The following OR3A2 variants were observed in gnomAD, a reference collection of about 807,000 sequenced individuals.
OR3A2 encodes the protein olfactory receptor family 3 subfamily A member 2.
For synonymous variants in OR3A2, 126 were observed against 159.3 expected (o/e 0.79, Z 1.57); for missense variants, 318 against 392.8 (o/e 0.81, Z 1.61).
intron 1 of OR3A2, among the ~76,000 whole-genome samples, chr17:3,279,705 T>C (rs1286752902): frequency 6.6e-6 from 1 of 152,150 alleles, no homozygotes; most frequent in Non-Finnish European, 1.5e-5. Flanking sequence ...GGAGAATCGC[T>C]TGAACCCGAG....
intron 1 of OR3A2, among the ~76,000 whole-genome samples, chr17:3,280,467 T>C (rs1342689264): frequency 6.6e-6 from 1 of 151,924 alleles, no homozygotes; most frequent in Non-Finnish European, 1.5e-5. Context: ...AGAGACGGGG[T>C]TTCACCGTGT....
At chr17:3,370,312 A>T (rs1168511198) in intron 2 of OR3A2, among the ~76,000 whole-genome samples, 1 of 152,196 alleles carries the variant, frequency 6.6e-6, no homozygotes, top group East Asian at 1.9e-4. Context: ...TTGTGTGCAT[A>T]AAGGTGTTCA....
chr17:3,346,310 T>C (rs1041070703), intron 2 of OR3A2, among the ~76,000 whole-genome samples: 4 of 152,172 alleles, frequency 2.6e-5, no homozygotes, highest in African/African-American at 9.7e-5. Flanking sequence ...TATTTTGATA[T>C]AGGCAGGCAA....
intron 2 of OR3A2, among the ~76,000 whole-genome samples, chr17:3,346,532 C>T (rs2049364900): frequency 1.3e-5 from 2 of 152,168 alleles, no homozygotes; most frequent in Non-Finnish European, 2.9e-5. Context: ...GTGTCACAAA[C>T]AATCCAATTA....
At chr17:3,321,009 G>A (rs1035004336) in intron 3 of OR3A2, among the ~76,000 whole-genome samples, 2 of 152,166 alleles carry the variant, frequency 1.3e-5, no homozygotes, top group African/African-American at 4.8e-5. Context: ...TCCTACCCAT[G>A]AGCATGGAAT....
At chr17:3,309,413 C>G (rs1210277430) in intron 3 of OR3A2, among the ~76,000 whole-genome samples, 1 of 152,098 alleles carries the variant, frequency 6.6e-6, no homozygotes, top group East Asian at 1.9e-4. Context: ...ATGGGGAATT[C>G]AGGGTGTGGG....
chr17:3,324,859 T>C (rs2049157406), intron 3 of OR3A2, among the ~76,000 whole-genome samples: 1 of 152,042 alleles, frequency 6.6e-6, no homozygotes, highest in South Asian at 2.1e-4. Flanking sequence ...GCTGAGATTT[T>C]CTTCTTATGT....
chr17:3,367,601 G>GTGTATA (rs1555530074), intron 2 of OR3A2, among the ~76,000 whole-genome samples: 1,429 of 122,508 alleles, frequency 0.012, 46 homozygotes, highest in East Asian at 0.048. Context: ...GTGTGTGTGT[G>GTGTATA]TATATATATA....
At chr17:3,297,314 A>T (rs1163324950) in intron 3 of OR3A2, among the ~76,000 whole-genome samples, 1 of 152,224 alleles carries the variant, frequency 6.6e-6, no homozygotes, top group East Asian at 1.9e-4. Flanking sequence ...ATTCCCTTAC[A>T]TATTAAGTAA....
At chr17:3,352,429 T>C (rs2049428585) in intron 2 of OR3A2, among the ~76,000 whole-genome samples, 1 of 152,066 alleles carries the variant, frequency 6.6e-6, no homozygotes, top group African/African-American at 2.4e-5. Context: ...TTGATTTTTA[T>C]TTATGATGAG....
intron 2 of OR3A2, among the ~76,000 whole-genome samples, chr17:3,349,921 C>T (rs1379228632): frequency 6.6e-6 from 1 of 151,908 alleles, no homozygotes. Flanking sequence ...ACAACCTGCT[C>T]CTGAATGACT....
At chr17:3,312,769 G>T (rs1290961543) in intron 3 of OR3A2, among the ~76,000 whole-genome samples, 1 of 152,100 alleles carries the variant, frequency 6.6e-6, no homozygotes, top group African/African-American at 2.4e-5. Context: ...GATTACAGGT[G>T]CCTGCCACCA....
At chr17:3,278,163 C>T (rs553493994) in exon 2 of OR3A2, 2 of 1,614,100 alleles carry the variant, frequency 1.2e-6, no homozygotes, top group Admixed American at 1.7e-5. Context: ...AAAGAAAAGA[C>T]AAACCACGGT....
chr17:3,312,738 C>T (rs804227), intron 3 of OR3A2, among the ~76,000 whole-genome samples: 76,411 of 152,014 alleles, frequency 0.5, 20,152 homozygotes, highest in East Asian at 0.96. Context: ...GATTCCCCTG[C>T]CTTAGCCTCC....
chr17:3,352,137 T>A (rs547423462), intron 2 of OR3A2, among the ~76,000 whole-genome samples: 63 of 152,158 alleles, frequency 4.1e-4, no homozygotes, highest in African/African-American at 1.5e-3. Context: ...GAGCTCCTCA[T>A]ATATTCTGGT....
rs1329513858 is a variant in OR3A2, at chr17:3,371,828, CCT to C, written c.-179+11974_-179+11975del. ...GGCGGCTGGCCGGGCGGGGGGCTGA[CCT>C]CCCCACCACCTCCCGCCCGGACGGG... On this transcript the variant is annotated intron_variant, in intron 2 of 4. Transcript: ENST00000573491. 9.8e-4 allele frequency among the ~76,000 whole-genome samples: 100 copies of C among 102,460 alleles called. 2 individuals are homozygous for C. The highest frequency in any genetic ancestry group is 5.4e-3 in the African/African-American group (94 of 17,394). The allele number at this position is 102,460 out of a possible 152,430, so 67.2% of individuals were successfully genotyped here.
intron 2 of OR3A2, among the ~76,000 whole-genome samples, chr17:3,381,952 A>G (rs2049740018): frequency 6.6e-6 from 1 of 152,202 alleles, no homozygotes; most frequent in Non-Finnish European, 1.5e-5. Flanking sequence ...AGAAAAAACA[A>G]AAACAAAACA....
rs1315214768 is a variant in OR3A2 at position 3,380,690 on chromosome 17, T to C, written c.-179+3114A>G. ...CAAAGGGCTCATCCAGGACTAAGAC[T>C]GTGGTTAAAGAGAAAGCTACTGGGC... is the stretch of plus-strand genomic sequence containing the variant. On this transcript the variant is annotated intron_variant, in intron 2 of 4. Transcript: ENST00000573491. Among the ~76,000 whole-genome samples, 8 of 152,154 alleles carry C rather than the reference T, an allele frequency of 5.3e-5. 1 individual carries two copies. The highest frequency in any genetic ancestry group is 4.6e-4 in the Admixed American group (7 of 15,278).
At chr17:3,322,942 G>C (rs9886461) in intron 3 of OR3A2, among the ~76,000 whole-genome samples, 1 of 152,016 alleles carries the variant, frequency 6.6e-6, no homozygotes, top group East Asian at 1.9e-4. Context: ...ACTTTGTCTC[G>C]TTGATCTGTC....
Sources: allele counts gnomAD v4.1 joint callset (sites outside exome capture counted in the v4.1 genomes callset), GRCh38; gene constraint gnomAD v4.1.1; transcripts MANE v1.5; gene names NCBI Gene and HGNC (gene_info 2026-07-23, HGNC 2026-07-21).